Variants in BMI1 observed in about 807,000 individuals in gnomAD.
BMI1 encodes the protein polycomb complex protein BMI-1.
BMI1 carries 9 observed loss-of-function variants against 39.1 expected under a neutral mutation model. That is an observed-to-expected ratio of 0.23 (90% CI 0.14 to 0.40). The LOEUF is 0.40. Ranked by LOEUF, BMI1 falls within the 10% of genes least tolerant of loss-of-function variation. The probability of loss-of-function intolerance (pLI) is 1.00; values close to 1 mark genes in which losing one functional copy is unlikely to be tolerated. For missense variants in BMI1, 252 were observed against 390.8 expected (o/e 0.64, Z 2.99); for synonymous variants, 131 against 127.9 (o/e 1.02, Z -0.16).
chr10:22,321,461 C>T lies in BMI1; in HGVS notation c.-255C>T, dbSNP rs1835995441. The T allele has an allele frequency of 1.3e-5, 2 of 158,680 alleles. No homozygotes were observed. The highest frequency in any genetic ancestry group is 1.6e-4 in the South Asian group (1 of 6,178). The allele number at this position is 158,680 out of a possible 1,614,324, so 9.8% of individuals were successfully genotyped here. A position where few individuals can be genotyped will look rare whatever the true frequency, so the allele number is the denominator to read the frequency against. ...GAGGCGGAGGCGGAGGAGGAGGAGG[C>T]CGAGGCGCCGGAGGAGGCCGAGGCG... On this transcript the variant is annotated 5_prime_UTR_variant, in exon 1 of 10. Coordinates refer to ENST00000376663, the MANE Select transcript of BMI1 (RefSeq NM_005180.9).
intron 8 of BMI1, 80 bp from the exon 9 acceptor site, chr10:22,328,968 C>T (rs1449998737): frequency 1.4e-6 from 2 of 1,400,362 alleles, no homozygotes; most frequent in Admixed American, 2.3e-5. Flanking sequence ...TCTTAAAGCA[C>T]TTTTGGATTA....
chr10:22,321,910 C>CGCGCCCGCCGCCGCCCGCCG (rs1836011301), intron 1 of BMI1, among the ~76,000 whole-genome samples: 1 of 144,736 alleles, frequency 6.9e-6, no homozygotes, highest in Admixed American at 6.8e-5. Context: ...CCCGCGAGCG[C>CGCGCCCGCCGCCGCCCGCCG]GCGCCCGCCG....
rs974171537 is a variant in BMI1 at position 22,329,714 on chromosome 10, C to T, written c.*172C>T. On this transcript the variant is annotated 3_prime_UTR_variant, in exon 10 of 10. Coordinates refer to ENST00000376663, the MANE Select transcript of BMI1 (RefSeq NM_005180.9). ...GGACTACATGTGATACTCCTATGGACGTTAATTGAAAAGAAAGATTGTTGT... is the reference window on the plus strand; with the variant it reads ...GGACTACATGTGATACTCCTATGGATGTTAATTGAAAAGAAAGATTGTTGT... 13 of 722,540 alleles carry T rather than the reference C, an allele frequency of 1.8e-5. No individual in the cohort carries two copies. Among genetic ancestry groups the T allele is most frequent in the African/African-American group, 8.9e-5 (5 of 56,058 alleles). The allele number at this position is 722,540 out of a possible 1,614,324, so 44.8% of individuals were successfully genotyped here. A position where few individuals can be genotyped will look rare whatever the true frequency, so the allele number is the denominator to read the frequency against.
rs770295636 is a variant in BMI1, at chr10:22,326,586, T to C, written c.112+25T>C. 8.7e-6 allele frequency: 14 copies of C among 1,609,130 alleles called. No homozygotes were observed. The South Asian group carries it at 1.3e-4, about 15-fold the overall frequency. On this transcript the variant is annotated intron_variant, in intron 2 of 9. Coordinates refer to ENST00000376663, the MANE Select transcript of BMI1 (RefSeq NM_005180.9). Reference sequence around the variant, plus strand: ...TGTAAGTACCGAGCTTTAGCTCTCTTTTGTATCATGCGTATTTCACAGTTC... The same window carrying C: ...TGTAAGTACCGAGCTTTAGCTCTCTCTTGTATCATGCGTATTTCACAGTTC...
intron 1 of BMI1, among the ~76,000 whole-genome samples, chr10:22,325,333 C>T (rs2132002592): frequency 6.6e-6 from 1 of 152,358 alleles, no homozygotes; most frequent in East Asian, 1.9e-4. Context: ...CGAGTGATTG[C>T]AGACAGGACA....
In BMI1 at chr10:22,326,809, C is replaced by G. The variant is rs886066740; in HGVS notation, c.113-81C>G. On this transcript the variant is annotated intron_variant, in intron 2 of 9. Transcript: ENST00000376663. ...GAAATGCCTTTCACCATCTTGTTTT[C>G]TACTAGTTCTGGGTTTCTAACACCA... 9.2e-6 allele frequency: 14 copies of G among 1,527,948 alleles called. No individual in the cohort carries two copies. The African/African-American group carries it at 1.5e-4, about 17-fold the overall frequency. The allele number at this position is 1,527,948 out of a possible 1,614,324, so 94.6% of individuals were successfully genotyped here.
At position 22,329,326 on chromosome 10, in the gene BMI1, T is replaced by G; in HGVS notation, c.765T>G (p.Ser255Arg). 6.2e-7 allele frequency: 1 copy of G among 1,613,976 alleles called. No homozygotes were observed. Among genetic ancestry groups the G allele is most frequent in the Non-Finnish European group, 8.5e-7 (1 of 1,179,992 alleles). The change falls in exon 10 of 10, where the codon AGT (serine) becomes AGG (arginine). Residue 255 changes from serine (S) to arginine (R), a missense_variant. Around this residue, in one of 4 missense-constraint regions of BMI1, gnomAD observed 96 missense variants for 120.2 expected, o/e 0.80. Transcript: ENST00000376663. ...NAGELESDSG[S>R]DKANSPAGGI... ...GAGAACTGGAAAGTGACTCTGGGAG[T>G]GACAAGGCCAACAGCCCAGCAGGAG...
intron 7 of BMI1, 36 bp from the exon 8 acceptor site, chr10:22,328,564 T>G: frequency 6.4e-7 from 1 of 1,572,248 alleles, no homozygotes; most frequent in Non-Finnish European, 8.6e-7. Context: ...TATCTTAAAG[T>G]AACTGAAAAA....
intron 3 of BMI1, 132 bp downstream of exon 3, chr10:22,327,118 G>A (rs1836172833): frequency 2.0e-6 from 2 of 1,024,770 alleles, no homozygotes; most frequent in Admixed American, 2.7e-5. Flanking sequence ...GCTTTGTGGA[G>A]GGTAGCCGTT....
At position 22,326,415 on chromosome 10, in the gene BMI1, T is replaced by C. The variant is rs773678590; in HGVS notation, c.-19-16T>C. 1.2e-5 allele frequency: 20 copies of C among 1,609,622 alleles called. No homozygotes were observed. The highest frequency in any genetic ancestry group is 4.0e-5 in the African/African-American group (3 of 74,912). The stretch of plus-strand genomic sequence containing the variant: ...CTTGTTCTGTGAATTATGGCCATTA[T>C]TTCTGTGTCTTGCAGGATTTTTTAT... On this transcript the variant is annotated splice_polypyrimidine_tract_variant and intron_variant, in intron 1 of 9. Transcript: ENST00000376663.
chr10:22,326,537 A>G lies in BMI1; in HGVS notation c.88A>G (p.Thr30Ala). ...LCGGYFIDAT[T>A]IIECLHSFCK... Reference sequence around the variant, plus strand: ...TGGAGGGTACTTCATTGATGCCACAACCATAATAGAATGTCTACATTCCTG... The same window carrying G: ...TGGAGGGTACTTCATTGATGCCACAGCCATAATAGAATGTCTACATTCCTG... The change falls in exon 2 of 10, where the codon ACC (threonine) becomes GCC (alanine). Residue 30 changes from threonine (T) to alanine (A), a missense_variant. Physicochemically the swap from Thr to Ala is moderately conservative, Grantham distance 58 (BLOSUM62 0). Coordinates refer to ENST00000376663, the MANE Select transcript of BMI1 (RefSeq NM_005180.9). 1 of 1,613,040 alleles carries G rather than the reference A, an allele frequency of 6.2e-7. No homozygotes were observed. The highest frequency in any genetic ancestry group is 8.5e-7 in the Non-Finnish European group (1 of 1,179,600).
intron 5 of BMI1, 47 bp from the exon 6 acceptor site, chr10:22,327,903 A>G (rs1283318912): frequency 4.4e-6 from 7 of 1,580,806 alleles, no homozygotes; most frequent in East Asian, 2.2e-5. Flanking sequence ...TATAAAATTT[A>G]TTAGGCATCT....
Position 22,329,918 on chromosome 10 carries a change from G to C in BMI1, c.*376G>C, listed in dbSNP as rs1836246410. On this transcript the variant is annotated 3_prime_UTR_variant, in exon 10 of 10. Coordinates refer to ENST00000376663, the MANE Select transcript of BMI1 (RefSeq NM_005180.9). ...CATTACATTCTCCTTGATCGTTCTTGTTATTACGCTGTTTTGTGAACCTGT... is the reference window on the plus strand; with the variant it reads ...CATTACATTCTCCTTGATCGTTCTTCTTATTACGCTGTTTTGTGAACCTGT... The C allele has an allele frequency of 5.6e-6, 1 of 179,338 alleles. No homozygotes were observed. Among genetic ancestry groups the C allele is most frequent in the Admixed American group, 5.5e-5 (1 of 18,110 alleles). 11.1% of individuals were successfully genotyped at this position (179,338 alleles called of 1,614,324 possible).
chr10:22,330,808 T>A lies in BMI1; in HGVS notation c.*1266T>A, dbSNP rs1225407370. Reference sequence around the variant, plus strand: ...TATTTATTATGAGCTTCTACAGGTATTTTTAAATAGAGCAAGCATGTTGAA... The same window carrying A: ...TATTTATTATGAGCTTCTACAGGTAATTTTAAATAGAGCAAGCATGTTGAA... On this transcript the variant is annotated 3_prime_UTR_variant, in exon 10 of 10. Coordinates refer to ENST00000376663, the MANE Select transcript of BMI1 (RefSeq NM_005180.9). 6.6e-6 allele frequency: 1 copy of A among 152,612 alleles called. No homozygotes were observed. Among genetic ancestry groups the A allele is most frequent in the African/African-American group, 2.4e-5 (1 of 41,458 alleles). The allele number at this position is 152,612 out of a possible 1,614,324, so 9.5% of individuals were successfully genotyped here.
In BMI1 at chr10:22,329,250, C is replaced by T; in HGVS notation, c.689C>T (p.Thr230Ile). ...CCATTGAAATACAGAGTTCGACCTA[C>T]TTGTAAAAGAATGAAGATCAGTCAC... Reference protein sequence around the residue: ...PLPLKYRVRPTCKRMKISHQR... With the variant: ...PLPLKYRVRPICKRMKISHQR... The change falls in exon 10 of 10, where the codon ACT becomes ATT. Residue 230 changes from threonine to isoleucine, a missense_variant. Around this residue, in one of 4 missense-constraint regions of BMI1, gnomAD observed 96 missense variants for 120.2 expected, o/e 0.80. Transcript: ENST00000376663. 1 of 1,614,124 alleles carries T rather than the reference C, an allele frequency of 6.2e-7. No individual in the cohort carries two copies. The highest frequency in any genetic ancestry group is 8.5e-7 in the Non-Finnish European group (1 of 1,180,008).
chr10:22,327,488 C>A, intron 3 of BMI1, 107 bp from the exon 4 acceptor site: 1 of 1,170,144 alleles, frequency 8.5e-7, no homozygotes, highest in Non-Finnish European at 1.2e-6. Flanking sequence ...TAGACAGCAT[C>A]ACAATCAAGT....
chr10:22,327,482 C>T, intron 3 of BMI1, 113 bp from the exon 4 acceptor site: 2 of 1,076,090 alleles, frequency 1.9e-6, no homozygotes, highest in South Asian at 1.7e-5. Flanking sequence ...TAGTTATAGA[C>T]AGCATCACAA....
intron 1 of BMI1, among the ~76,000 whole-genome samples, chr10:22,325,401 G>GC (rs1836110696): frequency 6.6e-6 from 1 of 152,160 alleles, no homozygotes; most frequent in African/African-American, 2.4e-5. Flanking sequence ...GTGAAAAGAG[G>GC]CCCCCGGAGT....
At chr10:22,322,049 G>GT (rs1487436212) in intron 1 of BMI1, 1 of 150,538 alleles carries the variant, frequency 6.6e-6, no homozygotes, top group African/African-American at 2.4e-5. Flanking sequence ...GCGGCCCCAC[G>GT]TTTTAGTTCC....
Sources: gnomAD v4.1 joint callset for allele counts (sites outside exome capture counted in the v4.1 genomes callset) on GRCh38, gnomAD v4.1.1 for gene constraint, gnomAD v4.1.1 regional missense constraint, MANE v1.5 for transcripts, NCBI Gene and HGNC (gene_info 2026-07-23, HGNC 2026-07-21) for gene names.